Variants in ATP11C observed in about 807,000 individuals in gnomAD.
The protein encoded by ATP11C is phospholipid-transporting ATPase IG.
A neutral mutation model predicts 97.4 loss-of-function variants in ATP11C; 36 were observed. The ratio of observed to expected loss-of-function variants is 0.37; its 90% CI spans 0.28 to 0.49. The LOEUF (loss-of-function observed/expected upper bound fraction) is 0.49. Ranked by LOEUF, ATP11C falls within the 20% of genes least tolerant of loss-of-function variation. ATP11C has a pLI of 0.98. For synonymous variants in ATP11C, 275 were observed against 290.9 expected, an observed-to-expected ratio of 0.95 and a Z score of 0.56; for missense variants, 730 against 824.6, an observed-to-expected ratio of 0.89 and a Z score of 1.40.
Position 139,726,659 on chromosome X carries a change from A to G in ATP11C, c.*2307T>C, listed in dbSNP as rs1387806722. 1 of 112,679 alleles carries G rather than the reference A, an allele frequency of 8.9e-6. No homozygotes were observed. The highest frequency in any genetic ancestry group is 9.4e-5 in the Admixed American group (1 of 10,622). 9.3% of individuals were successfully genotyped at this position (112,679 alleles called of 1,213,427 possible). The stretch of plus-strand genomic sequence containing the variant: ...CTGTTGCTGGTGTATGTGTAAGTAG[A>G]TATGGAATGAATGTTTTCAGTTTAG... On this transcript the variant is annotated 3_prime_UTR_variant, in exon 30 of 30. Coordinates refer to ENST00000682941, the MANE Select transcript of ATP11C (RefSeq NM_001353812.2).
intron 2 of ATP11C, among the ~76,000 whole-genome samples, chrX:139,824,159 A>G (rs1179225747): frequency 1.8e-5 from 2 of 109,795 alleles, no homozygotes; most frequent in South Asian, 7.7e-4. Flanking sequence ...AATTTTTTAA[A>G]AAAAACCTTT....
intron 18 of ATP11C, among the ~76,000 whole-genome samples, chrX:139,778,456 C>T (rs1369742634): frequency 8.9e-6 from 1 of 111,974 alleles, no homozygotes; most frequent in Non-Finnish European, 1.9e-5. Flanking sequence ...CAAAACCTCA[C>T]ATATCAATAT....
intron 1 of ATP11C, among the ~76,000 whole-genome samples, chrX:139,871,103 A>G (rs1362545727): frequency 2.8e-5 from 3 of 106,644 alleles, no homozygotes; most frequent in Non-Finnish European, 3.9e-5. Context: ...CACTGTGTAT[A>G]TGTGTGTGTG....
chrX:139,811,208 T>C (rs931708629), intron 5 of ATP11C, among the ~76,000 whole-genome samples: 5 of 111,710 alleles, frequency 4.5e-5, no homozygotes, highest in Admixed American at 9.5e-5. Context: ...GTCTTCACAA[T>C]GGAATTCCTC....
chrX:139,877,893 C>A (rs904299949), intron 1 of ATP11C, among the ~76,000 whole-genome samples: 2 of 110,821 alleles, frequency 1.8e-5, no homozygotes, highest in Non-Finnish European at 3.8e-5. Context: ...CGTGGTGGCA[C>A]GTGCCTGTAA....
intron 18 of ATP11C, among the ~76,000 whole-genome samples, chrX:139,778,043 G>C (rs1195185060): frequency 1.8e-5 from 2 of 110,559 alleles, no homozygotes; most frequent in Non-Finnish European, 3.8e-5. Flanking sequence ...TTTCTGTAGA[G>C]ATGGAGTCTC....
intron 23 of ATP11C, among the ~76,000 whole-genome samples, chrX:139,752,097 T>G (rs2081831290): frequency 8.9e-6 from 1 of 111,767 alleles, no homozygotes; most frequent in Admixed American, 9.5e-5. Flanking sequence ...ACACTTTTCC[T>G]TTAAGATGTC....
At chrX:139,893,136 T>C (rs1477155834) in intron 1 of ATP11C, among the ~76,000 whole-genome samples, 1 of 112,134 alleles carries the variant, frequency 8.9e-6, no homozygotes, top group Non-Finnish European at 1.9e-5. Context: ...CCTCCCAGGC[T>C]CAAGCGATTT....
chrX:139,754,814 ACAAACGAGG>A (rs1295944229), intron 23 of ATP11C, among the ~76,000 whole-genome samples: 1 of 112,176 alleles, frequency 8.9e-6, no homozygotes, highest in African/African-American at 3.2e-5. Context: ...AAAACTCTCA[ACAAACGAGG>A]CACTGAAAGA....
chrX:139,853,831 G>A (rs2084043417), intron 1 of ATP11C, among the ~76,000 whole-genome samples: 1 of 19,714 alleles, frequency 5.1e-5, no homozygotes, highest in Admixed American at 8.3e-4. Context: ...ACTATCCTAA[G>A]TCAAAAAAAA....
chrX:139,768,280 C>A lies in ATP11C; in HGVS notation c.2371G>T (p.Ala791Ser). Residue 791 changes from alanine to serine, a missense_variant, in exon 20 of 30, where the codon GCA becomes TCA. By Grantham distance (99) the Ala-to-Ser change is moderately conservative (BLOSUM62 1). Transcript: ENST00000682941. Reference sequence around the variant, plus strand: ...GTTACCTGGGCTTTCTGTAATGGTGCCATCCGACAGCAGAGCACTGCAGTA... The same window carrying A: ...GTTACCTGGGCTTTCTGTAATGGTGACATCCGACAGCAGAGCACTGCAGTA... ...KCTAVLCCRM[A>S]PLQKAQIVRM... The A allele has an allele frequency of 1.8e-6, 2 of 1,110,405 alleles. No individual in the cohort carries two copies. The highest frequency in any genetic ancestry group is 1.2e-6 in the Non-Finnish European group (1 of 840,360). 91.5% of individuals were successfully genotyped at this position (1,110,405 alleles called of 1,213,427 possible). A position where few individuals can be genotyped will look rare whatever the true frequency, so the allele number is the denominator to read the frequency against.
At chrX:139,825,831 C>A (rs2083515094) in intron 2 of ATP11C, among the ~76,000 whole-genome samples, 2 of 112,540 alleles carry the variant, frequency 1.8e-5, no homozygotes, top group South Asian at 7.3e-4. Context: ...TGAGGAAAAT[C>A]TTCAAGATCT....
intron 1 of ATP11C, among the ~76,000 whole-genome samples, chrX:139,844,538 T>C (rs1010754177): frequency 4.5e-5 from 5 of 112,079 alleles, no homozygotes; most frequent in Admixed American, 3.8e-4. Context: ...GAGGAGAAGA[T>C]GGTCAGAGCA....
At position 139,819,581 on chromosome X, in the gene ATP11C, T is replaced by C. The variant is rs954782301; in HGVS notation, c.148-154A>G. Among the ~76,000 whole-genome samples the C allele has an allele frequency of 4.5e-5, 5 of 112,193 alleles. No individual in the cohort carries two copies. In the East Asian group the frequency reaches 1.4e-3, roughly 31 times the overall value. On this transcript the variant is annotated intron_variant, in intron 2 of 29. Transcript: ENST00000682941. Reference sequence around the variant, plus strand: ...AATCTCACACATATACATAAGCATATATTTAGAGGCACTGTATATGAAAAC... The same window carrying C: ...AATCTCACACATATACATAAGCATACATTTAGAGGCACTGTATATGAAAAC...
At chrX:139,928,098 A>G (rs2085380545) in intron 1 of ATP11C, among the ~76,000 whole-genome samples, 1 of 111,865 alleles carries the variant, frequency 8.9e-6, no homozygotes, top group South Asian at 3.7e-4. Context: ...TTTATTACTA[A>G]CAATGCATGT....
intron 8 of ATP11C, among the ~76,000 whole-genome samples, chrX:139,799,434 T>C (rs2082871404): frequency 9.0e-6 from 1 of 110,901 alleles, no homozygotes; most frequent in African/African-American, 3.3e-5. Context: ...GTTCTCCAGT[T>C]ATAATTCCAA....
At chrX:139,824,544 G>A (rs747624884) in intron 2 of ATP11C, among the ~76,000 whole-genome samples, 3 of 111,066 alleles carry the variant, frequency 2.7e-5, no homozygotes, top group African/African-American at 9.8e-5. Flanking sequence ...AAAATTAGCC[G>A]GGCGTGGTGG....
intron 1 of ATP11C, among the ~76,000 whole-genome samples, chrX:139,900,322 T>G (rs1347998652): frequency 1.0e-5 from 1 of 98,872 alleles, no homozygotes; most frequent in African/African-American, 3.9e-5. Context: ...TGAGCCATGA[T>G]CTTGCCACTG....
At chrX:139,745,701 G>GT in intron 25 of ATP11C, 21 bp downstream of exon 25, 1 of 1,194,057 alleles carries the variant, frequency 8.4e-7, no homozygotes, top group Non-Finnish European at 1.1e-6. Flanking sequence ...ACCAAAAGAT[G>GT]TAATGACAGG....
Sources: allele counts gnomAD v4.1 joint callset (sites outside exome capture counted in the v4.1 genomes callset), GRCh38; gene constraint gnomAD v4.1.1; transcripts MANE v1.5; gene names NCBI Gene and HGNC (gene_info 2026-07-23, HGNC 2026-07-21).